The following RAB3B variants were observed in gnomAD, a reference collection of about 807,000 sequenced individuals.
RAB3B encodes the protein RAB3B, member RAS oncogene family, also known as ras-related protein Rab-3B.
RAB3B carries 11 observed loss-of-function variants against 20.5 expected under a neutral mutation model. That is an observed-to-expected ratio of 0.54 (90% CI 0.34 to 0.89). The LOEUF is 0.89. RAB3B is among the 40% of genes least tolerant of loss of function. The pLI is 0.02. For missense variants in RAB3B, 225 were observed against 280.9 expected, an observed-to-expected ratio of 0.80 and a Z score of 1.42; for synonymous variants, 99 against 106.3, an observed-to-expected ratio of 0.93 and a Z score of 0.42.
rs115050004 is a variant in RAB3B, at chr1:51,956,721, G to A, written c.229-19309C>T. 6.2e-3 allele frequency among the ~76,000 whole-genome samples: 944 copies of A among 152,278 alleles called. 26 individuals carry two copies. The South Asian group carries it at 0.093, about 15-fold the overall frequency. On this transcript the variant is annotated intron_variant, in intron 2 of 4. Coordinates refer to ENST00000371655, the MANE Select transcript of RAB3B (RefSeq NM_002867.4). ...CAATTCAGCTCAAATGCTTCCTCCT[G>A]TATGACTCGCATTTCCTCCCATACC... is the stretch of plus-strand genomic sequence containing the variant.
At chr1:51,937,557 G>A (rs1245422395) in intron 2 of RAB3B, 145 bp from the exon 3 acceptor site, 1 of 488,898 alleles carries the variant, frequency 2.0e-6, no homozygotes, top group Non-Finnish European at 3.6e-6. Context: ...GAGTGCCATG[G>A]CGCGATCTCA....
At position 51,932,552 on chromosome 1, in the gene RAB3B, C is replaced by T. The variant is rs117493220; in HGVS notation, c.472+766G>A. ...GTTAAGCTTGGAAAAAGTCAGGACA[C>T]CGATGAGCTACATACTCAAACCACA... On this transcript the variant is annotated intron_variant, in intron 4 of 4. Transcript: ENST00000371655. Among the ~76,000 whole-genome samples the T allele has an allele frequency of 6.2e-3, 942 of 152,258 alleles. 27 individuals are homozygous for T. The South Asian group carries it at 0.093, about 15-fold the overall frequency.
In RAB3B at chr1:51,910,407, C is replaced by T. The variant is rs1325171373; in HGVS notation, c.*9520G>A. 1 of 152,158 alleles carries T rather than the reference C, an allele frequency of 6.6e-6. No homozygotes were observed. Among genetic ancestry groups the T allele is most frequent in the African/African-American group, 2.4e-5 (1 of 41,422 alleles). The allele number at this position is 152,158 out of a possible 1,614,324, so 9.4% of individuals were successfully genotyped here. On this transcript the variant is annotated 3_prime_UTR_variant, in exon 5 of 5. Coordinates refer to ENST00000371655, the MANE Select transcript of RAB3B (RefSeq NM_002867.4). ...CTCTTTTCAAACAAATGGGACTGTGCTCTATTCTCAACAAGTGTCAGAGAT... is the reference window on the plus strand; with the variant it reads ...CTCTTTTCAAACAAATGGGACTGTGTTCTATTCTCAACAAGTGTCAGAGAT...
Position 51,920,045 on chromosome 1 carries a change from T to G in RAB3B, c.542A>C (p.Asp181Ala). Residue 181 changes from aspartate (D) to alanine (A), a missense_variant, in exon 5 of 5, where the codon GAT becomes GCT. Transcript: ENST00000371655. ...SVRQAFERLVDAICDKMSDSL... is the reference protein window; with the variant it reads ...SVRQAFERLVAAICDKMSDSL... ...ATCAGACATCTTGTCACAAATGGCA[T>G]CCACCAGGCGCTCAAAGGCCTGCCT... The G allele has an allele frequency of 6.2e-7, 1 of 1,614,156 alleles. No individual in the cohort carries two copies. The highest frequency in any genetic ancestry group is 8.5e-7 in the Non-Finnish European group (1 of 1,180,022).
chr1:51,946,992 T>C (rs1025932849), intron 2 of RAB3B, among the ~76,000 whole-genome samples: 4 of 152,188 alleles, frequency 2.6e-5, no homozygotes, highest in African/African-American at 9.6e-5. Context: ...TTAATTGTTA[T>C]ATCAGCTTGA....
At chr1:51,961,445 G>A (rs185063989) in intron 2 of RAB3B, among the ~76,000 whole-genome samples, 2 of 152,134 alleles carry the variant, frequency 1.3e-5, no homozygotes, top group Admixed American at 1.3e-4. Flanking sequence ...TGGAAAGAGT[G>A]GGGAAGGCAG....
intron 1 of RAB3B, chr1:51,980,846 A>T: frequency 1.4e-6 from 1 of 707,502 alleles, no homozygotes; most frequent in Non-Finnish European, 2.6e-6. Context: ...AAGACTGAAG[A>T]TGGACTATTT....
chr1:51,969,617 G>A (rs557014932), intron 2 of RAB3B, among the ~76,000 whole-genome samples: 1 of 59,080 alleles, frequency 1.7e-5, no homozygotes, highest in Non-Finnish European at 6.4e-5. Flanking sequence ...GAGTAATAAG[G>A]CTTTTTTTTT....
Position 51,941,111 on chromosome 1 carries a change from G to A in RAB3B, c.229-3699C>T, listed in dbSNP as rs1684487476. Among the ~76,000 whole-genome samples the A allele has an allele frequency of 1.3e-5, 2 of 152,008 alleles. 1 individual carries two copies. The highest frequency in any genetic ancestry group is 4.1e-4 in the South Asian group (2 of 4,830). Reference sequence around the variant, plus strand: ...GCATCACATGAAAGTGTGCTTATTTGGCAATATAAGGAGAACTTTTCTAAA... The same window carrying A: ...GCATCACATGAAAGTGTGCTTATTTAGCAATATAAGGAGAACTTTTCTAAA... On this transcript the variant is annotated intron_variant, in intron 2 of 4. Transcript: ENST00000371655.
At chr1:51,946,000 T>C (rs938227597) in intron 2 of RAB3B, among the ~76,000 whole-genome samples, 11 of 152,242 alleles carry the variant, frequency 7.2e-5, no homozygotes, top group African/African-American at 2.7e-4. Flanking sequence ...ATTTTTTAAG[T>C]GTCTGGCTTA....
chr1:51,975,875 C>T (rs1341854853), intron 2 of RAB3B, among the ~76,000 whole-genome samples: 2 of 152,012 alleles, frequency 1.3e-5, no homozygotes, highest in African/African-American at 4.8e-5. Context: ...ACCTGTAGTC[C>T]CAGCTACTCG....
chr1:51,922,681 T>A (rs1684188345), intron 4 of RAB3B, among the ~76,000 whole-genome samples: 1 of 152,082 alleles, frequency 6.6e-6, no homozygotes, highest in East Asian at 1.9e-4. Flanking sequence ...GGTCTTTTTT[T>A]TTTTAATTTC....
rs1341939162 is a variant in RAB3B at position 51,919,348 on chromosome 1, A to T, written c.*579T>A. 6.6e-6 allele frequency: 1 copy of T among 152,382 alleles called. No individual in the cohort carries two copies. Among genetic ancestry groups the T allele is most frequent in the African/African-American group, 2.4e-5 (1 of 41,450 alleles). The allele number at this position is 152,382 out of a possible 1,614,324, so 9.4% of individuals were successfully genotyped here. ...TCCTTCAGCATCATTAGAGAGTCTG[A>T]GCTCTCTGAAGATTAGCTCTTCCTG... On this transcript the variant is annotated 3_prime_UTR_variant, in exon 5 of 5. Transcript: ENST00000371655.
chr1:51,962,054 G>A (rs1305235066), intron 2 of RAB3B, among the ~76,000 whole-genome samples: 1 of 152,172 alleles, frequency 6.6e-6, no homozygotes, highest in Non-Finnish European at 1.5e-5. Flanking sequence ...TTACAGGCAT[G>A]AACCACTGCA....
intron 1 of RAB3B, among the ~76,000 whole-genome samples, chr1:51,979,336 C>T (rs1463929053): frequency 6.7e-6 from 1 of 150,340 alleles, no homozygotes; most frequent in Non-Finnish European, 1.5e-5. Context: ...AGTGGTGCAG[C>T]CTTGGCTCAC....
rs528322217 is a variant in RAB3B, at chr1:51,908,375, G to C, written c.*11552C>G. On this transcript the variant is annotated 3_prime_UTR_variant, in exon 5 of 5. Transcript: ENST00000371655. The stretch of plus-strand genomic sequence containing the variant: ...TCATACTGCTATGGTACATCTCCTA[G>C]GTTGGCATGAGACCAGCCTGGTCCC... The C allele has an allele frequency of 6.6e-6, 1 of 152,166 alleles. No homozygotes were observed. Among genetic ancestry groups the C allele is most frequent in the African/African-American group, 2.4e-5 (1 of 41,510 alleles). The allele number at this position is 152,166 out of a possible 1,614,324, so 9.4% of individuals were successfully genotyped here. A position where few individuals can be genotyped will look rare whatever the true frequency, so the allele number is the denominator to read the frequency against.
At chr1:51,933,672 C>A (rs1477368436) in intron 3 of RAB3B, among the ~76,000 whole-genome samples, 3 of 152,130 alleles carry the variant, frequency 2.0e-5, no homozygotes, top group Admixed American at 1.3e-4. Context: ...GAGGATACAA[C>A]AAGAAGCTGG....
intron 2 of RAB3B, among the ~76,000 whole-genome samples, chr1:51,962,448 G>A (rs1684796612): frequency 6.6e-6 from 1 of 152,176 alleles, no homozygotes; most frequent in African/African-American, 2.4e-5. Context: ...TCTAAATGCA[G>A]GGATCAAAAG....
intron 2 of RAB3B, among the ~76,000 whole-genome samples, chr1:51,967,989 C>A (rs1684879662): frequency 6.6e-6 from 1 of 151,994 alleles, no homozygotes; most frequent in African/African-American, 2.4e-5. Context: ...CCTAGGTGGG[C>A]CCATTATAAT....
Sources: allele counts gnomAD v4.1 joint callset (sites outside exome capture counted in the v4.1 genomes callset), GRCh38; gene constraint gnomAD v4.1.1; transcripts MANE v1.5; gene names NCBI Gene and HGNC (gene_info 2026-07-23, HGNC 2026-07-21).